The following MYO9A variants were observed in gnomAD, a reference collection of about 807,000 sequenced individuals.
MYO9A encodes unconventional myosin-IXa.
Under a neutral mutation model 293.3 loss-of-function variants are expected in MYO9A, and 103 were observed. The ratio of observed to expected loss-of-function variants is 0.35; its 90% CI spans 0.30 to 0.41. The LOEUF is 0.41. Among genes scored for constraint, MYO9A ranks in the 10% least tolerant of loss-of-function variants. MYO9A has a pLI of 1.00. For synonymous variants in MYO9A, 1,001 were observed against 1,035.7 expected, an observed-to-expected ratio of 0.97 and a Z score of 0.64; for missense variants, 2,685 against 3,033.0, an observed-to-expected ratio of 0.89 and a Z score of 2.69.
chr15:71,884,778 A>C (rs1222275963), intron 27 of MYO9A, among the ~76,000 whole-genome samples: 1 of 152,052 alleles, frequency 6.6e-6, no homozygotes, highest in East Asian at 1.9e-4. Flanking sequence ...AAAAATTTTG[A>C]GTATGTACTA....
intron 2 of MYO9A, among the ~76,000 whole-genome samples, chr15:72,038,876 CTTCA>C (rs1391443071): frequency 4.6e-5 from 7 of 152,114 alleles, no homozygotes; most frequent in African/African-American, 1.2e-4. Flanking sequence ...TCATTTCTTA[CTTCA>C]TTCGTTTCTG....
At chr15:71,855,440 T>C (rs1239287882) in intron 34 of MYO9A, among the ~76,000 whole-genome samples, 1 of 152,174 alleles carries the variant, frequency 6.6e-6, no homozygotes, top group East Asian at 1.9e-4. Flanking sequence ...CCAGCCAATA[T>C]TATACTTTAT....
Position 71,899,876 on chromosome 15 carries a change from T to A in MYO9A, c.3281A>T (p.Tyr1094Phe). 1.2e-6 allele frequency: 2 copies of A among 1,614,122 alleles called. No individual in the cohort carries two copies. The highest frequency in any genetic ancestry group is 1.7e-6 in the Non-Finnish European group (2 of 1,180,040). ...SWRAHLERQR[Y>F]LELRAAAIVI... ...GATGGCTGCAGCCCGTAACTCCAAGTACCGCTGCCTCTCTAAGTGAGCACG... is the reference window on the plus strand; with the variant it reads ...GATGGCTGCAGCCCGTAACTCCAAGAACCGCTGCCTCTCTAAGTGAGCACG... The change falls in exon 24 of 42, where the codon TAC becomes TTC. Residue 1094 changes from tyrosine to phenylalanine, a missense_variant. Around this residue, in one of 10 missense-constraint regions of MYO9A, gnomAD observed 1,434 missense variants for 1,497.7 expected, o/e 0.96. Transcript: ENST00000356056.
intron 39 of MYO9A, among the ~76,000 whole-genome samples, chr15:71,831,492 C>T (rs1468108999): frequency 7.2e-5 from 11 of 152,152 alleles, no homozygotes; most frequent in Admixed American, 6.5e-4. Context: ...GCAAAACCTC[C>T]GTGCCTGACA....
chr15:71,877,990 A>G (rs1307216397), intron 31 of MYO9A, 50 bp downstream of exon 31: 4 of 1,474,344 alleles, frequency 2.7e-6, no homozygotes, highest in Non-Finnish European at 3.6e-6. Flanking sequence ...ACGCTCTTAA[A>G]AAGAATTCAT....
At chr15:72,117,125 CTG>C (rs2081013063) in intron 1 of MYO9A, 2 of 152,264 alleles carry the variant, frequency 1.3e-5, no homozygotes, top group South Asian at 4.1e-4. Flanking sequence ...AAGCCAAAGT[CTG>C]TGACGGTGTC....
At chr15:71,909,495 A>T (rs1376586516) in intron 19 of MYO9A, among the ~76,000 whole-genome samples, 2 of 152,172 alleles carry the variant, frequency 1.3e-5, no homozygotes, top group African/African-American at 4.8e-5. Flanking sequence ...CAATTCCCTA[A>T]TAACATATAA....
intron 15 of MYO9A, among the ~76,000 whole-genome samples, chr15:71,945,206 A>C (rs923923980): frequency 2.6e-5 from 4 of 152,174 alleles, no homozygotes; most frequent in African/African-American, 7.2e-5. Context: ...CTATCAGCCA[A>C]GGCTGCAGTC....
At chr15:71,877,525 T>C (rs1292749477) in intron 31 of MYO9A, among the ~76,000 whole-genome samples, 1 of 152,194 alleles carries the variant, frequency 6.6e-6, no homozygotes, top group Non-Finnish European at 1.5e-5. Flanking sequence ...TGGCGTGACC[T>C]TGGCTAACTA....
chr15:71,875,165 T>C (rs2056644469), intron 32 of MYO9A, among the ~76,000 whole-genome samples: 1 of 152,022 alleles, frequency 6.6e-6, no homozygotes, highest in African/African-American at 2.4e-5. Flanking sequence ...TTGTATTATA[T>C]ATATGATAGA....
In MYO9A at chr15:71,951,676, T is replaced by C. The variant is rs757994331; in HGVS notation, c.2302+101A>G. 1.1e-5 allele frequency: 15 copies of C among 1,372,840 alleles called. 1 individual carries two copies. In the South Asian group the frequency reaches 1.6e-4, roughly 15 times the overall value. 85.0% of individuals were successfully genotyped at this position (1,372,840 alleles called of 1,614,324 possible). ...ACTGCTCAGAGGTTTATGGAGGCCA[T>C]GTTGCCCATACAATCTATATCCCAC... On this transcript the variant is annotated intron_variant, in intron 15 of 41. Transcript: ENST00000356056.
chr15:72,102,784 A>G (rs1385993044), intron 1 of MYO9A, among the ~76,000 whole-genome samples: 2 of 151,958 alleles, frequency 1.3e-5, no homozygotes, highest in Non-Finnish European at 2.9e-5. Flanking sequence ...GAGAAACAAG[A>G]CAAAGATGGC....
At chr15:71,958,187 T>A (rs78939083) in intron 14 of MYO9A, among the ~76,000 whole-genome samples, 2,640 of 152,300 alleles carry the variant, frequency 0.017, 34 homozygotes, top group Non-Finnish European at 0.026. Flanking sequence ...CTGCCTTTCA[T>A]ATTTTCTACT....
intron 34 of MYO9A, among the ~76,000 whole-genome samples, chr15:71,859,068 A>C (rs966468932): frequency 6.6e-6 from 1 of 152,194 alleles, no homozygotes; most frequent in Admixed American, 6.5e-5. Context: ...TATTCTTTGC[A>C]TTTTAATTCC....
intron 32 of MYO9A, among the ~76,000 whole-genome samples, chr15:71,875,194 GTA>G (rs2056646037): frequency 6.6e-6 from 1 of 151,696 alleles, no homozygotes; most frequent in Non-Finnish European, 1.5e-5. Context: ...ATGATGTTGT[GTA>G]TATGATGTAT....
intron 1 of MYO9A, among the ~76,000 whole-genome samples, chr15:72,089,954 C>G (rs912744109): frequency 2.0e-5 from 3 of 152,138 alleles, no homozygotes; most frequent in Non-Finnish European, 2.9e-5. Flanking sequence ...ATTAAACAAT[C>G]TCACCTCTAT....
chr15:71,971,930 T>A (rs528065095), intron 12 of MYO9A, among the ~76,000 whole-genome samples: 2 of 152,094 alleles, frequency 1.3e-5, no homozygotes, highest in East Asian at 3.9e-4. Flanking sequence ...GGAAACAGAA[T>A]CTCTCTCTCT....
At chr15:71,973,025 A>T (rs1405475381) in intron 12 of MYO9A, among the ~76,000 whole-genome samples, 4 of 152,222 alleles carry the variant, frequency 2.6e-5, no homozygotes, top group African/African-American at 9.6e-5. Context: ...ATTGTTATTT[A>T]TAATAGCTAA....
intron 21 of MYO9A, 121 bp from the exon 22 acceptor site, chr15:71,903,184 G>C: frequency 1.2e-6 from 1 of 804,756 alleles, no homozygotes; most frequent in Non-Finnish European, 1.9e-6. Context: ...ACCAAGACGT[G>C]CATGTTAATT....
Sources: allele counts gnomAD v4.1 joint callset (sites outside exome capture counted in the v4.1 genomes callset), GRCh38; gene constraint gnomAD v4.1.1; regional missense constraint gnomAD v4.1.1; transcripts MANE v1.5; gene names NCBI Gene and HGNC (gene_info 2026-07-23, HGNC 2026-07-21).